The following ROBO2 variants were observed in gnomAD, a reference collection of about 807,000 sequenced individuals.
The protein encoded by ROBO2 is roundabout guidance receptor 2.
In ROBO2, 53 loss-of-function variants were observed where a neutral mutation model predicts 160.8. That is an observed-to-expected ratio of 0.33 (90% CI 0.26 to 0.41). The LOEUF (loss-of-function observed/expected upper bound fraction) is 0.41. Ranked by LOEUF, ROBO2 falls within the 10% of genes least tolerant of loss-of-function variation. The pLI is 1.00. For missense variants in ROBO2, 1,577 were observed against 1,722.4 expected, an observed-to-expected ratio of 0.92 and a Z score of 1.49; for synonymous variants, 664 against 611.7, an observed-to-expected ratio of 1.09 and a Z score of -1.26.
At chr3:77,449,400 A>G (rs930742510) in intron 2 of ROBO2, among the ~76,000 whole-genome samples, 5 of 152,150 alleles carry the variant, frequency 3.3e-5, no homozygotes, top group Admixed American at 6.6e-5. Flanking sequence ...TCAGATTGGC[A>G]AATATATATT....
intron 2 of ROBO2, among the ~76,000 whole-genome samples, chr3:77,363,952 T>C (rs2070448221): frequency 1.3e-5 from 2 of 152,184 alleles, no homozygotes; most frequent in Admixed American, 6.5e-5. Flanking sequence ...GCTTCTAATT[T>C]CCTTTAGTTC....
chr3:76,875,195 C>A (rs983526141), intron 2 of ROBO2, among the ~76,000 whole-genome samples: 1 of 152,114 alleles, frequency 6.6e-6, no homozygotes, highest in Non-Finnish European at 1.5e-5. Context: ...CAGGAGGATG[C>A]GGCAACGGGG....
intron 2 of ROBO2, among the ~76,000 whole-genome samples, chr3:76,477,038 T>C (rs2107225828): frequency 6.6e-6 from 1 of 152,284 alleles, no homozygotes; most frequent in Non-Finnish European, 1.5e-5. Flanking sequence ...ATAACCTTAG[T>C]CAAACTGTGT....
chr3:75,994,059 C>T (rs866736822), intron 2 of ROBO2, among the ~76,000 whole-genome samples: 1 of 152,070 alleles, frequency 6.6e-6, no homozygotes, highest in South Asian at 2.1e-4. Flanking sequence ...AAGAAAGGGA[C>T]AGCCAAGCAC....
intron 2 of ROBO2, among the ~76,000 whole-genome samples, chr3:77,233,839 G>T (rs2087564475): frequency 6.6e-6 from 1 of 151,990 alleles, no homozygotes; most frequent in African/African-American, 2.4e-5. Flanking sequence ...AAATTTATTT[G>T]CTTCTAATGT....
At chr3:76,777,834 A>G (rs2062376220) in intron 2 of ROBO2, among the ~76,000 whole-genome samples, 1 of 151,096 alleles carries the variant, frequency 6.6e-6, no homozygotes, top group Non-Finnish European at 1.5e-5. Context: ...AAATGCCTAA[A>G]GGCTTCTTGT....
intron 2 of ROBO2, among the ~76,000 whole-genome samples, chr3:76,178,436 A>C (rs1054503464): frequency 6.6e-6 from 1 of 152,176 alleles, no homozygotes; most frequent in Non-Finnish European, 1.5e-5. Context: ...AAACAATGTT[A>C]AGCAGGAGTT....
chr3:76,856,738 T>A (rs1249217604), intron 2 of ROBO2, among the ~76,000 whole-genome samples: 1 of 152,196 alleles, frequency 6.6e-6, no homozygotes, highest in East Asian at 1.9e-4. Context: ...TAATTTATAT[T>A]ACTGGCTATC....
intron 2 of ROBO2, among the ~76,000 whole-genome samples, chr3:77,365,468 A>T (rs2070725052): frequency 6.6e-6 from 1 of 152,128 alleles, no homozygotes; most frequent in East Asian, 1.9e-4. Context: ...TTCAGTTTAA[A>T]GTAACATTTA....
At chr3:77,107,838 G>A (rs62251785) in intron 2 of ROBO2, among the ~76,000 whole-genome samples, 10,569 of 152,032 alleles carry the variant, frequency 0.07, 578 homozygotes, top group African/African-American at 0.16. Context: ...TGGAATAAAC[G>A]TTACAGTATC....
In ROBO2 at chr3:77,384,132, G is replaced by A. The variant is rs73842848; in HGVS notation, c.389-93282G>A. 3.1e-3 allele frequency among the ~76,000 whole-genome samples: 466 copies of A among 152,138 alleles called. 1 individual carries two copies. Among genetic ancestry groups the A allele is most frequent in the African/African-American group, 0.011 (446 of 41,488 alleles). On this transcript the variant is annotated intron_variant, in intron 2 of 25. Coordinates refer to ENST00000461745, the Ensembl canonical transcript of ROBO2. ...TTCATATATACTCTTTAAACATTTG[G>A]TCATGACAAATCTATGTGATGTTTG... is the stretch of plus-strand genomic sequence containing the variant.
At chr3:76,124,346 C>T (rs2070880192) in intron 2 of ROBO2, among the ~76,000 whole-genome samples, 1 of 152,006 alleles carries the variant, frequency 6.6e-6, no homozygotes, top group African/African-American at 2.4e-5. Context: ...TTTTTTATCT[C>T]ATTATGACTC....
At chr3:76,263,525 G>A (rs1276006943) in intron 2 of ROBO2, among the ~76,000 whole-genome samples, 1 of 152,034 alleles carries the variant, frequency 6.6e-6, no homozygotes, top group Non-Finnish European at 1.5e-5. Flanking sequence ...GCTTGGCCCA[G>A]CACAATATTT....
At chr3:76,740,405 T>C (rs1181165423) in intron 2 of ROBO2, among the ~76,000 whole-genome samples, 1 of 152,212 alleles carries the variant, frequency 6.6e-6, no homozygotes, top group Admixed American at 6.5e-5. Context: ...AGATGTATAC[T>C]ATTGGCTTAT....
chr3:75,994,810 G>T (rs1483591376), intron 2 of ROBO2, among the ~76,000 whole-genome samples: 1 of 152,176 alleles, frequency 6.6e-6, no homozygotes, highest in African/African-American at 2.4e-5. Flanking sequence ...AGATAGCTTG[G>T]AACTTCCTAG....
intron 2 of ROBO2, among the ~76,000 whole-genome samples, chr3:77,021,774 G>A (rs771036703): frequency 1.3e-5 from 2 of 152,092 alleles, no homozygotes; most frequent in Admixed American, 6.5e-5. Context: ...TATCACAGAC[G>A]TGGGTTTCTG....
chr3:76,775,973 A>G (rs760655467), intron 2 of ROBO2, among the ~76,000 whole-genome samples: 2 of 151,008 alleles, frequency 1.3e-5, no homozygotes, highest in African/African-American at 2.4e-5. Flanking sequence ...CTTCCCTACT[A>G]TCACAACCCA....
Position 76,128,184 on chromosome 3 carries a change from G to A in ROBO2, c.109+190582G>A, listed in dbSNP as rs143068396. 4.9e-3 allele frequency among the ~76,000 whole-genome samples: 752 copies of A among 152,056 alleles called. 7 individuals are homozygous for A. Among genetic ancestry groups the A allele is most frequent in the Non-Finnish European group, 5.9e-3 (398 of 67,998 alleles). ...GTTGGGATTACAAGCATGAGCCACC[G>A]CACCCCACCTGAAGAATGTTCTTCT... On this transcript the variant is annotated intron_variant, in intron 2 of 26. Transcript: ENST00000487694.
chr3:76,455,425 C>T (rs2077700648), intron 2 of ROBO2, among the ~76,000 whole-genome samples: 1 of 151,922 alleles, frequency 6.6e-6, no homozygotes, highest in African/African-American at 2.4e-5. Context: ...TTTTCATGCT[C>T]TTCATTTTGA....
Sources: allele counts gnomAD v4.1 joint callset (sites outside exome capture counted in the v4.1 genomes callset), GRCh38; gene constraint gnomAD v4.1.1; transcripts MANE v1.5; gene names NCBI Gene and HGNC (gene_info 2026-07-23, HGNC 2026-07-21).